Variants in SUCLG2 observed in about 807,000 individuals in gnomAD.
SUCLG2 encodes succinate-CoA ligase GDP-forming subunit beta.
Under a neutral mutation model 47.9 loss-of-function variants are expected in SUCLG2, and 42 were observed. The observed-to-expected ratio is 0.88, with a 90% CI of 0.69 to 1.14. The LOEUF is 1.14. Among genes scored for constraint, SUCLG2 ranks in the 50% most tolerant of loss-of-function variants. The pLI, the probability that SUCLG2 is intolerant of heterozygous loss-of-function variation, is 0.00. For missense variants in SUCLG2, 571 were observed against 525.9 expected (o/e 1.09, Z -0.84); for synonymous variants, 195 against 197.3 (o/e 0.99, Z 0.10).
rs74936812 is a variant in SUCLG2 at position 67,571,238 on chromosome 3, C to T, written c.226+38217G>A. ...TGGTGGTTACAACTGGGGGATGCTA[C>T]TGGCACCTAGTACTCCACCTCCACC... is the stretch of plus-strand genomic sequence containing the variant. On this transcript the variant is annotated intron_variant, in intron 2 of 10. Transcript: ENST00000307227. Among the ~76,000 whole-genome samples the T allele has an allele frequency of 1.7e-3, 255 of 152,264 alleles. 1 individual carries two copies. The East Asian group carries it at 0.019, about 11-fold the overall frequency.
At chr3:67,549,061 GT>G (rs1046889998) in intron 2 of SUCLG2, among the ~76,000 whole-genome samples, 23 of 152,142 alleles carry the variant, frequency 1.5e-4, no homozygotes, top group Admixed American at 4.6e-4. Context: ...TTATATATAA[GT>G]TTTTTATAGT....
chr3:67,394,347 G>C (rs371036629), intron 10 of SUCLG2, among the ~76,000 whole-genome samples: 1 of 151,304 alleles, frequency 6.6e-6, no homozygotes, highest in African/African-American at 2.4e-5. Context: ...GGAGCTGAAA[G>C]CCAAGGCTCG....
At chr3:67,477,441 T>C (rs1344251933) in intron 9 of SUCLG2, among the ~76,000 whole-genome samples, 2 of 152,218 alleles carry the variant, frequency 1.3e-5, no homozygotes, top group Non-Finnish European at 2.9e-5. Flanking sequence ...ATGCCTGTAA[T>C]CCCAGCACTT....
chr3:67,412,051 A>T (rs905931787), intron 9 of SUCLG2, among the ~76,000 whole-genome samples: 3 of 152,164 alleles, frequency 2.0e-5, no homozygotes. Flanking sequence ...ACTGTCACCA[A>T]AAAAACATTC....
chr3:67,569,950 C>G (rs1409739615), intron 2 of SUCLG2, among the ~76,000 whole-genome samples: 1 of 152,134 alleles, frequency 6.6e-6, no homozygotes, highest in Non-Finnish European at 1.5e-5. Flanking sequence ...GAATTCTCAA[C>G]CCCCAGTACC....
At position 67,501,292 on chromosome 3, in the gene SUCLG2, T is replaced by C. The variant is rs563822282; in HGVS notation, c.758-2997A>G. Among the ~76,000 whole-genome samples, 5 of 152,292 alleles carry C rather than the reference T, an allele frequency of 3.3e-5. No individual in the cohort carries two copies. In the South Asian group the frequency reaches 1.0e-3, roughly 32 times the overall value. On this transcript the variant is annotated intron_variant, in intron 7 of 10. Coordinates refer to ENST00000307227, the MANE Select transcript of SUCLG2 (RefSeq NM_003848.4). ...CTTCAAGACCCCAGTCTTTACTTAG[T>C]GGGTAAGGGAAGAAAAACTTTAAGG...
chr3:67,599,393 T>C (rs190624822), intron 2 of SUCLG2, among the ~76,000 whole-genome samples: 101 of 152,310 alleles, frequency 6.6e-4, no homozygotes, highest in African/African-American at 2.2e-3. Flanking sequence ...CATGCACAGC[T>C]GACTGTGTAT....
At chr3:67,361,112 G>T (rs920660720) in intron 10 of SUCLG2, among the ~76,000 whole-genome samples, 4 of 151,824 alleles carry the variant, frequency 2.6e-5, no homozygotes, top group Admixed American at 2.0e-4. Flanking sequence ...GACTAGACCA[G>T]AAGTCTGGAT....
At chr3:67,516,698 A>T (rs60491174) in intron 6 of SUCLG2, among the ~76,000 whole-genome samples, 4,594 of 152,302 alleles carry the variant, frequency 0.03, 237 homozygotes, top group African/African-American at 0.1. Context: ...AGTAGGATGG[A>T]CAAAGTCCCT....
chr3:67,549,922 G>C (rs535448712), intron 2 of SUCLG2, among the ~76,000 whole-genome samples: 1 of 152,164 alleles, frequency 6.6e-6, no homozygotes, highest in East Asian at 1.9e-4. Context: ...GAAAATGACA[G>C]TTATTTTTAA....
At chr3:67,579,065 C>A (rs932118507) in intron 2 of SUCLG2, among the ~76,000 whole-genome samples, 2 of 152,018 alleles carry the variant, frequency 1.3e-5, no homozygotes, top group East Asian at 3.8e-4. Flanking sequence ...CCTAAAATTT[C>A]CTCAGAAAGA....
intron 2 of SUCLG2, among the ~76,000 whole-genome samples, chr3:67,552,415 T>C (rs530436756): frequency 1.3e-5 from 2 of 152,292 alleles, no homozygotes; most frequent in African/African-American, 2.4e-5. Flanking sequence ...ATGTAGTACT[T>C]TTATTATGCA....
At chr3:67,423,795 A>G (rs1703233082) in intron 9 of SUCLG2, among the ~76,000 whole-genome samples, 1 of 152,204 alleles carries the variant, frequency 6.6e-6, no homozygotes, top group Admixed American at 6.5e-5. Context: ...CCTTTACTGA[A>G]GTGAGTTTTG....
chr3:67,497,646 G>A (rs545235483), intron 8 of SUCLG2, among the ~76,000 whole-genome samples: 1 of 152,146 alleles, frequency 6.6e-6, no homozygotes, highest in Non-Finnish European at 1.5e-5. Context: ...CTAAATTTCA[G>A]AAGAGTTCTG....
At chr3:67,438,490 G>A (rs771324886) in intron 9 of SUCLG2, among the ~76,000 whole-genome samples, 15 of 151,550 alleles carry the variant, frequency 9.9e-5, no homozygotes, top group East Asian at 3.9e-4. Context: ...TAGACAGACC[G>A]CTGGCCAGAC....
intron 9 of SUCLG2, among the ~76,000 whole-genome samples, chr3:67,455,832 G>T (rs76310656): frequency 0.028 from 4,185 of 152,146 alleles, 82 homozygotes; most frequent in East Asian, 0.08. Flanking sequence ...TTTCAATCCC[G>T]GCAAGAACAC....
intron 10 of SUCLG2, among the ~76,000 whole-genome samples, chr3:67,394,614 G>C (rs1272695375): frequency 6.6e-6 from 1 of 151,998 alleles, no homozygotes; most frequent in East Asian, 1.9e-4. Context: ...TATTATCCAA[G>C]AGAACTTCCC....
chr3:67,466,198 C>G (rs759129239), intron 9 of SUCLG2, among the ~76,000 whole-genome samples: 2 of 151,856 alleles, frequency 1.3e-5, no homozygotes, highest in Non-Finnish European at 2.9e-5. Context: ...ATCGAAAATA[C>G]AAAAGTTAGC....
intron 2 of SUCLG2, among the ~76,000 whole-genome samples, chr3:67,596,708 T>C (rs1218202931): frequency 2.0e-5 from 3 of 152,176 alleles, no homozygotes; most frequent in Non-Finnish European, 4.4e-5. Context: ...TCAATAACTG[T>C]TAAATGAATT....
Sources: allele counts gnomAD v4.1 joint callset (sites outside exome capture counted in the v4.1 genomes callset), GRCh38; gene constraint gnomAD v4.1.1; transcripts MANE v1.5; gene names NCBI Gene and HGNC (gene_info 2026-07-23, HGNC 2026-07-21).